The following GABRG3 variants were observed in gnomAD, a reference collection of about 807,000 sequenced individuals.
GABRG3 encodes gamma-aminobutyric acid type A receptor subunit gamma3.
Under a neutral mutation model 48.8 loss-of-function variants are expected in GABRG3, and 25 were observed. The observed-to-expected ratio is 0.51, with a 90% CI of 0.37 to 0.72. The LOEUF (loss-of-function observed/expected upper bound fraction) is 0.72, where lower values mean the gene tolerates loss of function less well. Among genes scored for constraint, GABRG3 ranks in the 30% least tolerant of loss-of-function variants. GABRG3 has a pLI of 0.00. For missense variants in GABRG3, 394 were observed against 577.9 expected (o/e 0.68, Z 3.26); for synonymous variants, 227 against 217.6 (o/e 1.04, Z -0.38).
chr15:27,135,798 A>G (rs1283172822), intron 3 of GABRG3, among the ~76,000 whole-genome samples: 3 of 152,150 alleles, frequency 2.0e-5, no homozygotes, highest in Non-Finnish European at 2.9e-5. Context: ...CCAGCTACTC[A>G]GGAAGCTGAA....
At chr15:27,146,735 A>T (rs1898216706) in intron 3 of GABRG3, among the ~76,000 whole-genome samples, 1 of 152,062 alleles carries the variant, frequency 6.6e-6, no homozygotes, top group South Asian at 2.1e-4. Context: ...GCTTATTGTA[A>T]ATTAAGATGT....
intron 3 of GABRG3, among the ~76,000 whole-genome samples, chr15:27,091,712 C>T (rs1897188540): frequency 6.6e-6 from 1 of 152,134 alleles, no homozygotes; most frequent in Non-Finnish European, 1.5e-5. Context: ...CCAGGGAAAC[C>T]CCTGTCAGGT....
intron 3 of GABRG3, among the ~76,000 whole-genome samples, chr15:27,184,913 T>C (rs1440901761): frequency 1.3e-5 from 2 of 152,188 alleles, no homozygotes; most frequent in Non-Finnish European, 2.9e-5. Context: ...TTTGGCAATT[T>C]GCGTCTTATT....
In GABRG3 at chr15:27,061,927, A is replaced by G. The variant is rs541183934; in HGVS notation, c.270+35106A>G. ...GGCATTTTCCCTAGGAGGCACTTCC[A>G]TGTTTGAACAGTTCCTATGACTAAC... On this transcript the variant is annotated intron_variant, in intron 3 of 9. Transcript: ENST00000615808. Among the ~76,000 whole-genome samples the G allele has an allele frequency of 2.6e-5, 4 of 152,278 alleles. No individual in the cohort carries two copies. The South Asian group carries it at 8.3e-4, about 32-fold the overall frequency.
chr15:27,011,721 G>A (rs1360664898), intron 2 of GABRG3, among the ~76,000 whole-genome samples: 7 of 152,036 alleles, frequency 4.6e-5, no homozygotes, highest in East Asian at 3.9e-4. Flanking sequence ...GGTGGTGGGC[G>A]CCTGTAGTCC....
intron 3 of GABRG3, among the ~76,000 whole-genome samples, chr15:27,096,658 A>G (rs1266768556): frequency 6.6e-6 from 1 of 152,138 alleles, no homozygotes; most frequent in African/African-American, 2.4e-5. Context: ...ATGTTTTTCA[A>G]ATCTGGAACC....
At chr15:27,194,851 CCT>C (rs929089990) in intron 3 of GABRG3, among the ~76,000 whole-genome samples, 5 of 151,842 alleles carry the variant, frequency 3.3e-5, no homozygotes, top group African/African-American at 7.3e-5. Context: ...GTGTTTCAAT[CCT>C]CTCTCTCTCT....
chr15:27,054,283 C>A (rs1336508515), intron 3 of GABRG3, among the ~76,000 whole-genome samples: 1 of 151,838 alleles, frequency 6.6e-6, no homozygotes, highest in Non-Finnish European at 1.5e-5. Context: ...TGTGAGGGGG[C>A]CAAGGACTGA....
intron 3 of GABRG3, among the ~76,000 whole-genome samples, chr15:27,206,801 G>A (rs1377765873): frequency 6.6e-6 from 1 of 152,086 alleles, no homozygotes; most frequent in Non-Finnish European, 1.5e-5. Context: ...TTATTATTAG[G>A]TAATATCCTT....
intron 3 of GABRG3, among the ~76,000 whole-genome samples, chr15:27,090,795 C>T (rs1273845270): frequency 6.6e-6 from 1 of 151,988 alleles, no homozygotes; most frequent in Non-Finnish European, 1.5e-5. Flanking sequence ...TAGTGTGTTT[C>T]CTCTTCAGGC....
chr15:27,067,936 A>G (rs1287593591), intron 3 of GABRG3, among the ~76,000 whole-genome samples: 1 of 152,232 alleles, frequency 6.6e-6, no homozygotes, highest in East Asian at 1.9e-4. Flanking sequence ...GAAAAGTTTA[A>G]TATAGAGAAT....
intron 5 of GABRG3, among the ~76,000 whole-genome samples, chr15:27,433,578 G>A (rs1366908901): frequency 6.6e-6 from 1 of 152,200 alleles, no homozygotes; most frequent in Admixed American, 6.5e-5. Flanking sequence ...CATTCTGGAA[G>A]AGCTTCCCCT....
chr15:27,154,074 C>G (rs1427492135), intron 3 of GABRG3, among the ~76,000 whole-genome samples: 2 of 152,114 alleles, frequency 1.3e-5, no homozygotes, highest in African/African-American at 4.8e-5. Flanking sequence ...ACAGGAACTC[C>G]AAATTCTTTA....
At chr15:27,421,681 G>A (rs1403800486) in intron 5 of GABRG3, among the ~76,000 whole-genome samples, 2 of 151,730 alleles carry the variant, frequency 1.3e-5, no homozygotes, top group Non-Finnish European at 2.9e-5. Flanking sequence ...CCATGCAGTG[G>A]GCTGCATATC....
In GABRG3 at chr15:27,313,282, A is replaced by G. The variant is rs1247760056; in HGVS notation, c.271-13527A>G. On this transcript the variant is annotated intron_variant, in intron 3 of 9. Coordinates refer to ENST00000615808, the MANE Select transcript of GABRG3 (RefSeq NM_033223.5). ...TGTGTGTATATATATATATATATAT[A>G]TATATATATATATATATATATATAT... 1.8e-3 allele frequency among the ~76,000 whole-genome samples: 172 copies of G among 94,910 alleles called. 6 individuals carry two copies. Among genetic ancestry groups the G allele is most frequent in the Middle Eastern group, 0.013 (3 of 234 alleles). The allele number at this position is 94,910 out of a possible 152,430, so 62.3% of individuals were successfully genotyped here. A position where few individuals can be genotyped will look rare whatever the true frequency, so the allele number is the denominator to read the frequency against.
chr15:27,318,113 T>C (rs1333578080), intron 3 of GABRG3, among the ~76,000 whole-genome samples: 1 of 152,186 alleles, frequency 6.6e-6, no homozygotes, highest in Non-Finnish European at 1.5e-5. Flanking sequence ...CCCATTCTAA[T>C]GCTCTCATGA....
chr15:27,230,401 G>A (rs1427272153), intron 3 of GABRG3, among the ~76,000 whole-genome samples: 1 of 152,014 alleles, frequency 6.6e-6, no homozygotes, highest in Non-Finnish European at 1.5e-5. Context: ...GCCGAGGAGG[G>A]GTATGGAAGA....
intron 3 of GABRG3, among the ~76,000 whole-genome samples, chr15:27,316,315 G>A (rs1169631611): frequency 2.0e-5 from 3 of 149,544 alleles, no homozygotes; most frequent in Non-Finnish European, 4.4e-5. Flanking sequence ...GTGAACCCGG[G>A]AGGCAGAGCT....
chr15:27,401,069 C>T (rs1887461480), intron 5 of GABRG3, among the ~76,000 whole-genome samples: 1 of 152,164 alleles, frequency 6.6e-6, no homozygotes, highest in African/African-American at 2.4e-5. Context: ...TTGAATGAAG[C>T]ACAAACTACA....
Sources: allele counts gnomAD v4.1 joint callset (sites outside exome capture counted in the v4.1 genomes callset), GRCh38; gene constraint gnomAD v4.1.1; transcripts MANE v1.5; gene names NCBI Gene and HGNC (gene_info 2026-07-23, HGNC 2026-07-21).